Variants in STAG1 observed in about 807,000 individuals in gnomAD.
The protein encoded by STAG1 is STAG1 cohesin complex component.
In STAG1, 26 loss-of-function variants were observed where a neutral mutation model predicts 170.9. The observed-to-expected ratio is 0.15, with a 90% CI of 0.11 to 0.21. The LOEUF is 0.21. Among genes scored for constraint, STAG1 ranks in the 10% least tolerant of loss-of-function variants. The pLI, the probability that STAG1 is intolerant of heterozygous loss-of-function variation, is 1.00. For synonymous variants in STAG1, 514 were observed against 497.7 expected, an observed-to-expected ratio of 1.03 and a Z score of -0.44; for missense variants, 964 against 1,509.5, an observed-to-expected ratio of 0.64 and a Z score of 5.99.
intron 1 of STAG1, among the ~76,000 whole-genome samples, chr3:136,661,121 G>T (rs1941564523): frequency 6.6e-6 from 1 of 152,150 alleles, no homozygotes; most frequent in Admixed American, 6.5e-5. Context: ...CAATGCCTAG[G>T]TATGGCCCCA....
At chr3:136,598,479 T>C (rs920662008) in intron 4 of STAG1, among the ~76,000 whole-genome samples, 1 of 151,602 alleles carries the variant, frequency 6.6e-6, no homozygotes, top group Non-Finnish European at 1.5e-5. Flanking sequence ...CAGGCTGGAG[T>C]GCAATGGCGC....
At chr3:136,386,852 C>T (rs1365515658) in intron 22 of STAG1, among the ~76,000 whole-genome samples, 1 of 151,942 alleles carries the variant, frequency 6.6e-6, no homozygotes, top group Non-Finnish European at 1.5e-5. Context: ...GAAAATGAAG[C>T]CATGGAAAAA....
chr3:136,387,390 G>GT (rs1332524934), intron 22 of STAG1, among the ~76,000 whole-genome samples: 1 of 152,080 alleles, frequency 6.6e-6, no homozygotes, highest in Non-Finnish European at 1.5e-5. Flanking sequence ...ACTGTATTAT[G>GT]TTTTTTTGTA....
intron 16 of STAG1, among the ~76,000 whole-genome samples, chr3:136,426,248 A>G (rs531911527): frequency 1.3e-5 from 2 of 152,076 alleles, no homozygotes; most frequent in Non-Finnish European, 2.9e-5. Context: ...TCTACTAAAA[A>G]TACAAAAAAA....
chr3:136,723,612 G>T (rs1266754597), intron 1 of STAG1, among the ~76,000 whole-genome samples: 1 of 148,918 alleles, frequency 6.7e-6, no homozygotes, highest in African/African-American at 2.5e-5. Context: ...GAGGTGGGGG[G>T]ATCAGCCCCC....
chr3:136,379,836 A>T (rs1576409130), intron 22 of STAG1, among the ~76,000 whole-genome samples: 1 of 152,334 alleles, frequency 6.6e-6, no homozygotes, highest in Admixed American at 6.5e-5. Context: ...ATTTACATAG[A>T]AGACCATTTA....
At chr3:136,489,821 A>G (rs139111661) in intron 9 of STAG1, among the ~76,000 whole-genome samples, 33 of 152,322 alleles carry the variant, frequency 2.2e-4, no homozygotes, top group African/African-American at 7.5e-4. Flanking sequence ...TAAAATAAAT[A>G]CTACCTTAGC....
At chr3:136,378,135 G>A (rs1367295747) in intron 22 of STAG1, among the ~76,000 whole-genome samples, 1 of 152,186 alleles carries the variant, frequency 6.6e-6, no homozygotes, top group Non-Finnish European at 1.5e-5. Context: ...AATGTGTACT[G>A]AATTTATCTT....
At chr3:136,485,801 A>T (rs2089998097) in intron 9 of STAG1, among the ~76,000 whole-genome samples, 1 of 152,214 alleles carries the variant, frequency 6.6e-6, no homozygotes, top group African/African-American at 2.4e-5. Context: ...CTTTTTTCAC[A>T]AATCATATTT....
chr3:136,633,440 C>T (rs1940412291), intron 1 of STAG1, among the ~76,000 whole-genome samples: 1 of 152,148 alleles, frequency 6.6e-6, no homozygotes, highest in South Asian at 2.1e-4. Flanking sequence ...GTGGCTCACG[C>T]CTGTAATCCC....
At chr3:136,345,398 G>C (rs1936176282) in intron 29 of STAG1, among the ~76,000 whole-genome samples, 1 of 150,422 alleles carries the variant, frequency 6.6e-6, no homozygotes, top group African/African-American at 2.5e-5. Flanking sequence ...GGTTTATAAA[G>C]ATTTGAGCAG....
intron 12 of STAG1, among the ~76,000 whole-genome samples, chr3:136,467,891 A>C (rs1396744279): frequency 6.6e-6 from 1 of 152,142 alleles, no homozygotes; most frequent in Admixed American, 6.5e-5. Flanking sequence ...AAACTAAACA[A>C]CCTGCTCCTG....
Position 136,477,273 on chromosome 3 carries a change from G to C in STAG1, c.1026+16C>G, listed in dbSNP as rs758543377. On this transcript the variant is annotated intron_variant, in intron 10 of 33. Transcript: ENST00000383202. ...CAAACATAACTTCCATCAAAGCTTA[G>C]AACAGAGTAACTTACCCTGTCATGA... is the stretch of plus-strand genomic sequence containing the variant. 12 of 1,605,578 alleles carry C rather than the reference G, an allele frequency of 7.5e-6. No individual in the cohort carries two copies. In the South Asian group the frequency reaches 9.0e-5, roughly 12 times the overall value.
At chr3:136,680,063 A>C (rs1942282323) in intron 1 of STAG1, among the ~76,000 whole-genome samples, 2 of 152,096 alleles carry the variant, frequency 1.3e-5, no homozygotes, top group African/African-American at 4.8e-5. Context: ...CAGCCATGAA[A>C]ATAATAAACT....
At position 136,349,294 on chromosome 3, in the gene STAG1, G is replaced by C. The variant is rs1292693857; in HGVS notation, c.3135C>G (p.Leu1045=). 2 of 1,613,992 alleles carry C rather than the reference G, an allele frequency of 1.2e-6. No homozygotes were observed. Among genetic ancestry groups the C allele is most frequent in the Non-Finnish European group, 1.7e-6 (2 of 1,179,888 alleles). The change falls in exon 29 of 34, where the codon CTC becomes CTG. Residue 1045 remains leucine (L), a synonymous_variant. Transcript: ENST00000383202. ...TGACTAATGAATTTCTATAGGAGAT[G>C]AGTGGAAGCCATACATCCTCCCTCC... ...MERREDVWLP[L]ISYRNSLVTG... is the part of the protein sequence containing the mutation.
intron 5 of STAG1, among the ~76,000 whole-genome samples, chr3:136,544,767 A>AG (rs919030221): frequency 6.6e-6 from 1 of 151,716 alleles, no homozygotes; most frequent in African/African-American, 2.4e-5. Flanking sequence ...TCAAAAAAAA[A>AG]AAAAGTTTAT....
chr3:136,624,974 A>G (rs1191370553), intron 2 of STAG1, among the ~76,000 whole-genome samples: 2 of 152,222 alleles, frequency 1.3e-5, no homozygotes, highest in Non-Finnish European at 2.9e-5. Context: ...ATGACATTTA[A>G]TTTAAGCTTA....
intron 3 of STAG1, among the ~76,000 whole-genome samples, chr3:136,613,832 A>G (rs1181609437): frequency 6.6e-6 from 1 of 152,172 alleles, no homozygotes; most frequent in Non-Finnish European, 1.5e-5. Context: ...ATTACTGGCA[A>G]TGATTCTCTC....
At chr3:136,471,120 TAAA>T (rs11361791) in intron 12 of STAG1, among the ~76,000 whole-genome samples, 2 of 146,724 alleles carry the variant, frequency 1.4e-5, no homozygotes, top group African/African-American at 2.5e-5. Context: ...GAAGTTAAAT[TAAA>T]AAAAAAAAAA....
Sources: gnomAD v4.1 joint callset for allele counts (sites outside exome capture counted in the v4.1 genomes callset) on GRCh38, gnomAD v4.1.1 for gene constraint, MANE v1.5 for transcripts, NCBI Gene and HGNC (gene_info 2026-07-23, HGNC 2026-07-21) for gene names.